PRXL2C: variants seen among roughly 807,000 people sequenced by gnomAD.
PRXL2C encodes the protein peroxiredoxin-like 2C.
Under a neutral mutation model 24.9 loss-of-function variants are expected in PRXL2C, and 38 were observed. That is an observed-to-expected ratio of 1.53 (90% CI 1.18 to 2.00). PRXL2C has a LOEUF of 2.00. PRXL2C is among the 30% of genes most tolerant of loss of function. PRXL2C has a pLI of 0.00. For synonymous variants in PRXL2C, 98 were observed against 117.2 expected, an observed-to-expected ratio of 0.84 and a Z score of 1.06; for missense variants, 294 against 290.9, an observed-to-expected ratio of 1.01 and a Z score of -0.08.
intron 5 of PRXL2C, among the ~76,000 whole-genome samples, chr9:96,645,563 C>T (rs928487268): frequency 1.3e-5 from 2 of 151,580 alleles, no homozygotes; most frequent in African/African-American, 4.8e-5. Flanking sequence ...TTTGGGAGGC[C>T]GAGGTGGGTG....
At chr9:96,645,144 C>T (rs578185486) in intron 5 of PRXL2C, among the ~76,000 whole-genome samples, 93 of 151,166 alleles carry the variant, frequency 6.2e-4, no homozygotes, top group African/African-American at 2.1e-3. Flanking sequence ...CTCCTGACCT[C>T]GTGATCCGCC....
chr9:96,654,934 C>CG, intron 1 of PRXL2C, 156 bp downstream of exon 1: 1 of 1,192,262 alleles, frequency 8.4e-7, no homozygotes, highest in Non-Finnish European at 1.1e-6. Context: ...GCCTCGCCCT[C>CG]GCCCTCTCCC....
rs558840636 is a variant in PRXL2C at position 96,652,213 on chromosome 9, C to G, written c.262-501G>C. 1.1e-4 allele frequency among the ~76,000 whole-genome samples: 16 copies of G among 152,186 alleles called. No homozygotes were observed. In the South Asian group the frequency reaches 3.1e-3, roughly 30 times the overall value. ...AAATTCAAACAACTTTGCAAGAAAA[C>G]AACATAGCCTGATTAAAAAATGGAC... On this transcript the variant is annotated intron_variant, in intron 2 of 5. Transcript: ENST00000375234.
chr9:96,655,168 CG>C lies in PRXL2C; in HGVS notation c.113del (p.Pro38ArgfsTer38). Reference sequence around the variant, plus strand: ...CCCGCTGCCCGCGGGCGTCCAGCACCGGCAGCTCGGCCACGGCGGCCGCCAG... The same window carrying C: ...CCCGCTGCCCGCGGGCGTCCAGCACCGCAGCTCGGCCACGGCGGCCGCCAG... Reference protein sequence around the residue: ...QPLAAAVAELPVLDARGQRVP... With the variant: ...QPLAAAVAELXVLDARGQRVP... On this transcript the variant is annotated frameshift_variant, in exon 1 of 6. Transcript: ENST00000375234. LOFTEE classifies it high-confidence loss of function. 7 of 1,236,652 alleles carry C rather than the reference CG, an allele frequency of 5.7e-6. No individual in the cohort carries two copies. The highest frequency in any genetic ancestry group is 7.1e-6 in the Non-Finnish European group (7 of 992,418). 76.6% of individuals were successfully genotyped at this position (1,236,652 alleles called of 1,614,324 possible).
chr9:96,647,376 T>A (rs1372827896), intron 4 of PRXL2C, among the ~76,000 whole-genome samples: 1 of 152,222 alleles, frequency 6.6e-6, no homozygotes, highest in African/African-American at 2.4e-5. Context: ...TTGGCCTGCC[T>A]AATTTCCGAA....
chr9:96,645,120 A>G (rs1423059925), intron 5 of PRXL2C, among the ~76,000 whole-genome samples: 1 of 151,196 alleles, frequency 6.6e-6, no homozygotes, highest in Non-Finnish European at 1.5e-5. Context: ...CGTGTTAGCC[A>G]GGATGGTCTT....
rs1426091933 is a variant in PRXL2C at position 96,640,951 on chromosome 9, C to T, written c.*808G>A. ...TTTCTCCATAGCTCCCCCAACCCCC[C>T]AAAATCCTAGTGAAACGGATAGCAA... On this transcript the variant is annotated 3_prime_UTR_variant, in exon 6 of 6. Coordinates refer to ENST00000375234, the MANE Select transcript of PRXL2C (RefSeq NM_153698.2). 2 of 152,206 alleles carry T rather than the reference C, an allele frequency of 1.3e-5. No individual in the cohort carries two copies. Among genetic ancestry groups the T allele is most frequent in the Non-Finnish European group, 2.9e-5 (2 of 68,058 alleles). 9.4% of individuals were successfully genotyped at this position (152,206 alleles called of 1,614,324 possible).
intron 4 of PRXL2C, among the ~76,000 whole-genome samples, chr9:96,648,459 A>C (rs941307835): frequency 6.6e-6 from 1 of 151,870 alleles, no homozygotes; most frequent in Admixed American, 6.6e-5. Flanking sequence ...ATTTTAAATT[A>C]TAATTATATA....
At chr9:96,652,609 C>A (rs1259274236) in intron 2 of PRXL2C, among the ~76,000 whole-genome samples, 1 of 150,790 alleles carries the variant, frequency 6.6e-6, no homozygotes, top group Non-Finnish European at 1.5e-5. Context: ...ATTAAAATTA[C>A]AATGATATAA....
chr9:96,651,454 G>A lies in PRXL2C; in HGVS notation c.357C>T (p.Val119=), dbSNP rs201784050. 18 of 1,612,304 alleles carry A rather than the reference G, an allele frequency of 1.1e-5. No homozygotes were observed. In the East Asian group the frequency reaches 1.6e-4, roughly 14 times the overall value. Residue 119 remains valine, a synonymous_variant, in exon 4 of 6, where the codon GTC becomes GTT. Transcript: ENST00000375234. ...KLTGYSHEIY[V]DPEREIYKRL... Reference sequence around the variant, plus strand: ...TTTTATAAATTTCTCTCTCAGGATCGACATAGATTTCATGAGAATATCCAG... The same window carrying A: ...TTTTATAAATTTCTCTCTCAGGATCAACATAGATTTCATGAGAATATCCAG...
chr9:96,645,274 T>C (rs1588100824), intron 5 of PRXL2C, among the ~76,000 whole-genome samples: 1 of 151,898 alleles, frequency 6.6e-6, no homozygotes, highest in African/African-American at 2.4e-5. Context: ...TCATCTCCAC[T>C]GAACATTCCT....
rs1449597830 is a variant in PRXL2C, at chr9:96,640,373, A to G, written c.*1386T>C. The G allele has an allele frequency of 6.6e-6, 1 of 152,040 alleles. No individual in the cohort carries two copies. Among genetic ancestry groups the G allele is most frequent in the Non-Finnish European group, 1.5e-5 (1 of 68,158 alleles). 9.4% of individuals were successfully genotyped at this position (152,040 alleles called of 1,614,324 possible). The stretch of plus-strand genomic sequence containing the variant: ...GTGGAACCCCGTCTCTACTAAAAGT[A>G]GCCAGGTATGGTGGCGGGTGCCTGT... On this transcript the variant is annotated 3_prime_UTR_variant, in exon 6 of 6. Coordinates refer to ENST00000375234, the MANE Select transcript of PRXL2C (RefSeq NM_153698.2).
chr9:96,646,908 A>G (rs1848207209), intron 4 of PRXL2C, among the ~76,000 whole-genome samples: 2 of 152,092 alleles, frequency 1.3e-5, no homozygotes, highest in South Asian at 4.1e-4. Context: ...CTCCTACCTC[A>G]GCCTCCCAAG....
Position 96,655,181 on chromosome 9 carries a change from A to G in PRXL2C, c.101T>C (p.Val34Ala), listed in dbSNP as rs1848337742. Reference sequence around the variant, plus strand: ...GGCGTCCAGCACCGGCAGCTCGGCCACGGCGGCCGCCAGGGGCTGCCCGCT... The same window carrying G: ...GGCGTCCAGCACCGGCAGCTCGGCCGCGGCGGCCGCCAGGGGCTGCCCGCT... ...PDSGQPLAAA[V>A]AELPVLDARG... The change falls in exon 1 of 6, where the codon GTG becomes GCG. Residue 34 changes from valine to alanine, a missense_variant. Physicochemically the swap from Val to Ala is moderately conservative, Grantham distance 64 (BLOSUM62 0). Transcript: ENST00000375234. 7.4e-6 allele frequency: 9 copies of G among 1,218,722 alleles called. No individual in the cohort carries two copies. The allele number at this position is 1,218,722 out of a possible 1,614,324, so 75.5% of individuals were successfully genotyped here.
At chr9:96,644,997 C>G (rs1336717852) in intron 5 of PRXL2C, among the ~76,000 whole-genome samples, 4 of 147,508 alleles carry the variant, frequency 2.7e-5, no homozygotes, top group African/African-American at 1.0e-4. Flanking sequence ...AGCTCCGCCT[C>G]CCAGGTTCAC....
chr9:96,654,825 C>A (rs377563610), intron 1 of PRXL2C, 52 bp from the exon 2 acceptor site: 16 of 1,505,432 alleles, frequency 1.1e-5, no homozygotes, highest in Non-Finnish European at 1.4e-5. Context: ...CACCCTCGGG[C>A]CCCGAAGGAT....
chr9:96,639,695 G>GT lies in PRXL2C; in HGVS notation c.*2063_*2064insA, dbSNP rs1457548287. ...TTTATATGCTTCATATAAAAGTACT[G>GT]AGTTCAAAGCAGTATTATACTTGCT... On this transcript the variant is annotated 3_prime_UTR_variant, in exon 6 of 6. Transcript: ENST00000375234. 6.6e-6 allele frequency: 1 copy of GT among 152,058 alleles called. No homozygotes were observed. Among genetic ancestry groups the GT allele is most frequent in the Non-Finnish European group, 1.5e-5 (1 of 68,028 alleles). 9.4% of individuals were successfully genotyped at this position (152,058 alleles called of 1,614,324 possible).
At chr9:96,645,640 T>A (rs1028740960) in intron 5 of PRXL2C, among the ~76,000 whole-genome samples, 2 of 150,932 alleles carry the variant, frequency 1.3e-5, no homozygotes, top group Admixed American at 6.6e-5. Context: ...TACTAAAAAT[T>A]TAAAAAATTA....
chr9:96,654,890 C>T, intron 1 of PRXL2C, 117 bp from the exon 2 acceptor site: 1 of 1,247,702 alleles, frequency 8.0e-7, no homozygotes, highest in Non-Finnish European at 1.1e-6. Flanking sequence ...GGGGCCGGGA[C>T]CGGCGGCTCG....
Sources: allele counts gnomAD v4.1 joint callset (sites outside exome capture counted in the v4.1 genomes callset), GRCh38; gene constraint gnomAD v4.1.1; transcripts MANE v1.5; gene names NCBI Gene and HGNC (gene_info 2026-07-23, HGNC 2026-07-21).